Variants in PCDHGA1 observed in about 807,000 individuals in gnomAD.
PCDHGA1 encodes protocadherin gamma-A1.
A neutral mutation model predicts 58.0 loss-of-function variants in PCDHGA1; 32 were observed. That is an observed-to-expected ratio of 0.55 (90% CI 0.42 to 0.74). The LOEUF is 0.74. Ranked by LOEUF, PCDHGA1 falls within the 30% of genes least tolerant of loss-of-function variation. The pLI is 0.00. For synonymous variants in PCDHGA1, 498 were observed against 501.1 expected (o/e 0.99, Z 0.08); for missense variants, 1,205 against 1,182.3 (o/e 1.02, Z -0.28).
chr5:141,448,190 C>T (rs1426828578), intron 1 of PCDHGA1, among the ~76,000 whole-genome samples: 1 of 152,118 alleles, frequency 6.6e-6, no homozygotes, highest in Non-Finnish European at 1.5e-5. Flanking sequence ...GTTATGTACA[C>T]TTACAAACAT....
intron 1 of PCDHGA1, chr5:141,367,540 A>G (rs965275207): frequency 2.6e-4 from 27 of 102,848 alleles, no homozygotes; most frequent in African/African-American, 1.6e-3. Context: ...CCGTCTCAAA[A>G]TAAATAAATA....
At chr5:141,351,867 C>G (rs953262844) in intron 1 of PCDHGA1, 43 of 1,613,138 alleles carry the variant, frequency 2.7e-5, no homozygotes, top group Non-Finnish European at 3.6e-5. Flanking sequence ...CAGGGCTCCC[C>G]CGCGCTCAGC....
At chr5:141,364,180 C>G (rs1476637020) in intron 1 of PCDHGA1, 2 of 899,976 alleles carry the variant, frequency 2.2e-6, no homozygotes, top group African/African-American at 3.4e-5. Context: ...TCTGCTCCCT[C>G]CATACTAAAC....
chr5:141,343,497 T>A (rs1757290151), intron 1 of PCDHGA1: 2 of 515,770 alleles, frequency 3.9e-6, no homozygotes, highest in Non-Finnish European at 5.0e-6. Flanking sequence ...TTTTAATAGT[T>A]GTGTTGGTCC....
intron 1 of PCDHGA1, chr5:141,404,321 T>C (rs764642673): frequency 1.2e-6 from 2 of 1,613,882 alleles, no homozygotes; most frequent in East Asian, 2.2e-5. Flanking sequence ...TCAAGCCTCC[T>C]ACTCAGTCTA....
intron 1 of PCDHGA1, chr5:141,351,669 T>G (rs1299176651): frequency 1.2e-6 from 2 of 1,614,002 alleles, no homozygotes; most frequent in Admixed American, 1.7e-5. Context: ...ATTGCACAAG[T>G]AAGCGCCTCC....
chr5:141,500,491 G>A (rs1595677531), intron 2 of PCDHGA1, among the ~76,000 whole-genome samples: 1 of 152,156 alleles, frequency 6.6e-6, no homozygotes, highest in East Asian at 1.9e-4. Context: ...TTACAGGCGT[G>A]AGCCACCGCG....
At chr5:141,504,450 T>C (rs931613781) in intron 2 of PCDHGA1, among the ~76,000 whole-genome samples, 1 of 151,918 alleles carries the variant, frequency 6.6e-6, no homozygotes, top group Non-Finnish European at 1.5e-5. Context: ...ACTAGTGCCA[T>C]GTGGGGCAGC....
chr5:141,365,797 C>G (rs376466748), intron 1 of PCDHGA1: 9 of 1,613,860 alleles, frequency 5.6e-6, no homozygotes, highest in Non-Finnish European at 6.8e-6. Context: ...GAGTCACCTA[C>G]TCCCTGGCTG....
Position 141,505,474 on chromosome 5 carries a change from C to T in PCDHGA1, c.2562C>T (p.Ser854=), listed in dbSNP as rs751690779. The stretch of plus-strand genomic sequence containing the variant: ...TGCTGCAAGCCATGATCTTGGCGTC[C>T]GCCAGTGGTAAGTGGTGTCAGTGTG... ...TEMLQAMILA[S]ASEAADGSST... Residue 854 remains serine, a synonymous_variant, in exon 3 of 4, where the codon TCC becomes TCT. Transcript: ENST00000517417. 2.2e-5 allele frequency: 36 copies of T among 1,614,090 alleles called. No individual in the cohort carries two copies. The highest frequency in any genetic ancestry group is 5.3e-5 in the African/African-American group (4 of 74,934).
At chr5:141,351,879 C>A in intron 1 of PCDHGA1, 1 of 1,613,328 alleles carries the variant, frequency 6.2e-7, no homozygotes, top group Non-Finnish European at 8.5e-7. Flanking sequence ...GCGCTCAGCG[C>A]CAACGTGAGC....
intron 1 of PCDHGA1, among the ~76,000 whole-genome samples, chr5:141,468,186 A>G (rs2099159540): frequency 6.6e-6 from 1 of 151,848 alleles, no homozygotes; most frequent in African/African-American, 2.4e-5. Context: ...TTTGCTGGGC[A>G]TGGTGGCGGG....
chr5:141,403,367 G>A (rs753470303), intron 1 of PCDHGA1: 1 of 1,614,038 alleles, frequency 6.2e-7, no homozygotes, highest in South Asian at 1.1e-5. Context: ...CGAAAGTCTG[G>A]AAGTAAAAAT....
At chr5:141,421,717 G>T in intron 1 of PCDHGA1, 2 of 1,613,932 alleles carry the variant, frequency 1.2e-6, no homozygotes, top group East Asian at 4.5e-5. Context: ...TCCAGATGTG[G>T]GCGTGAACTC....
chr5:141,404,945 G>A (rs753544983), intron 1 of PCDHGA1: 6 of 1,613,952 alleles, frequency 3.7e-6, no homozygotes, highest in Non-Finnish European at 5.1e-6. Flanking sequence ...AGTAGCCATA[G>A]CTGACAGCAT....
chr5:141,415,740 G>GTTTTTTTTTTTTTTTTTTTTT (rs57426385), intron 1 of PCDHGA1: 5 of 625,024 alleles, frequency 8.0e-6, no homozygotes, highest in Non-Finnish European at 8.5e-6. Flanking sequence ...GTTTATTAAG[G>GTTTTTTTTTTTTTTTTTTTTT]TTTTTTTTTT....
intron 1 of PCDHGA1, among the ~76,000 whole-genome samples, chr5:141,401,748 C>G (rs2094189969): frequency 6.6e-6 from 1 of 152,134 alleles, no homozygotes; most frequent in Non-Finnish European, 1.5e-5. Context: ...ATACAAAGCT[C>G]CCATTACATG....
At chr5:141,445,781 G>A (rs1424622281) in intron 1 of PCDHGA1, among the ~76,000 whole-genome samples, 25 of 152,112 alleles carry the variant, frequency 1.6e-4, no homozygotes, top group Admixed American at 1.6e-3. Flanking sequence ...AAAGGGCTAG[G>A]GAGGCTAGAA....
chr5:141,439,416 G>T (rs1169961917), intron 1 of PCDHGA1, among the ~76,000 whole-genome samples: 3 of 152,156 alleles, frequency 2.0e-5, no homozygotes, highest in African/African-American at 7.2e-5. Flanking sequence ...CATCACTGAG[G>T]TTATAAATTC....
Sources: allele counts gnomAD v4.1 joint callset (sites outside exome capture counted in the v4.1 genomes callset), GRCh38; gene constraint gnomAD v4.1.1; transcripts MANE v1.5; gene names NCBI Gene and HGNC (gene_info 2026-07-23, HGNC 2026-07-21).